Variants in PTPRM observed in about 807,000 individuals in gnomAD.
The protein encoded by PTPRM is protein tyrosine phosphatase receptor type M, also known as receptor-type tyrosine-protein phosphatase mu.
PTPRM carries 47 observed loss-of-function variants against 186.7 expected under a neutral mutation model. The observed-to-expected ratio is 0.25, with a 90% confidence interval of 0.20 to 0.32. The LOEUF (loss-of-function observed/expected upper bound fraction) is 0.32. Among genes scored for constraint, PTPRM ranks in the 10% least tolerant of loss-of-function variants. PTPRM has a pLI of 1.00. For missense variants in PTPRM, 1,494 were observed against 1,865.0 expected, an observed-to-expected ratio of 0.80 and a Z score of 3.66; for synonymous variants, 668 against 674.9, an observed-to-expected ratio of 0.99 and a Z score of 0.16.
At chr18:7,778,451 ATTTC>A (rs1266237825) in intron 2 of PTPRM, among the ~76,000 whole-genome samples, 1 of 151,808 alleles carries the variant, frequency 6.6e-6, no homozygotes, top group African/African-American at 2.4e-5. Context: ...CAATGGGGAA[ATTTC>A]TTTCTTTTTT....
intron 4 of PTPRM, among the ~76,000 whole-genome samples, chr18:7,909,239 A>G (rs2050144505): frequency 1.3e-5 from 2 of 152,218 alleles, no homozygotes; most frequent in South Asian, 2.1e-4. Flanking sequence ...ACATGTCTCA[A>G]GCAATTTTGT....
intron 4 of PTPRM, among the ~76,000 whole-genome samples, chr18:7,916,563 G>C (rs1021362418): frequency 6.6e-6 from 1 of 152,040 alleles, no homozygotes; most frequent in Non-Finnish European, 1.5e-5. Flanking sequence ...CATCTTTTTT[G>C]TTGTGTCCTC....
At chr18:8,066,200 T>C (rs1473524930) in intron 7 of PTPRM, among the ~76,000 whole-genome samples, 5 of 152,196 alleles carry the variant, frequency 3.3e-5, no homozygotes, top group South Asian at 2.1e-4. Flanking sequence ...ATGAGAATTG[T>C]AAAAGAATTG....
At chr18:7,656,791 T>C (rs983255917) in intron 1 of PTPRM, among the ~76,000 whole-genome samples, 17 of 152,272 alleles carry the variant, frequency 1.1e-4, no homozygotes, top group African/African-American at 4.1e-4. Context: ...TGGGGATTCA[T>C]TTATGCTAAT....
intron 7 of PTPRM, among the ~76,000 whole-genome samples, chr18:7,965,507 TG>T (rs2147227327): frequency 6.6e-6 from 1 of 152,152 alleles, no homozygotes; most frequent in South Asian, 2.1e-4. Flanking sequence ...ATTGGATGGC[TG>T]GGGTCTTGGT....
At chr18:7,656,063 A>G (rs539719490) in intron 1 of PTPRM, among the ~76,000 whole-genome samples, 29 of 152,356 alleles carry the variant, frequency 1.9e-4, no homozygotes, top group African/African-American at 6.7e-4. Flanking sequence ...TGGATGCAAC[A>G]TTCCACTTCA....
intron 1 of PTPRM, among the ~76,000 whole-genome samples, chr18:7,678,105 T>TA: frequency 6.6e-6 from 1 of 152,094 alleles, no homozygotes; most frequent in South Asian, 2.1e-4. Flanking sequence ...ACTTGACACT[T>TA]AGAGCACCTA....
At chr18:8,163,372 G>A (rs565851250) in intron 14 of PTPRM, among the ~76,000 whole-genome samples, 2 of 151,990 alleles carry the variant, frequency 1.3e-5, no homozygotes, top group East Asian at 1.9e-4. Flanking sequence ...CTAGCTTGTC[G>A]AATGTTCTTC....
intron 2 of PTPRM, among the ~76,000 whole-genome samples, chr18:7,839,534 A>G (rs768468920): frequency 3.3e-5 from 5 of 152,150 alleles, no homozygotes; most frequent in Non-Finnish European, 5.9e-5. Flanking sequence ...GCATTGCCCT[A>G]TCCTGCTGTG....
intron 7 of PTPRM, among the ~76,000 whole-genome samples, chr18:7,989,797 C>T (rs2083165266): frequency 1.3e-5 from 2 of 152,092 alleles, no homozygotes; most frequent in African/African-American, 4.8e-5. Flanking sequence ...CTCTCATACT[C>T]CTCACTTCAC....
At chr18:7,642,303 G>C (rs2038461423) in intron 1 of PTPRM, among the ~76,000 whole-genome samples, 2 of 152,148 alleles carry the variant, frequency 1.3e-5, no homozygotes. Flanking sequence ...ACTCCTTCCA[G>C]AGAACTATTT....
rs76086431 is a variant in PTPRM at position 7,900,410 on chromosome 18, G to C, written c.469-6095G>C. 1.7e-4 allele frequency among the ~76,000 whole-genome samples: 26 copies of C among 152,290 alleles called. No homozygotes were observed. In the South Asian group the frequency reaches 5.2e-3, roughly 30 times the overall value. ...AACAGGTGGTGGGACAGATTTGGCC[G>C]TGGGCTGTAGTTTGCCAACTCTTGT... On this transcript the variant is annotated intron_variant, in intron 3 of 32. Transcript: ENST00000580170.
intron 1 of PTPRM, among the ~76,000 whole-genome samples, chr18:7,649,210 C>T (rs980852082): frequency 2.0e-5 from 3 of 152,154 alleles, no homozygotes; most frequent in African/African-American, 7.2e-5. Flanking sequence ...ATCTACTACT[C>T]AGACAAAAAG....
chr18:7,867,716 C>T (rs1215777123), intron 2 of PTPRM, among the ~76,000 whole-genome samples: 1 of 152,122 alleles, frequency 6.6e-6, no homozygotes, highest in Non-Finnish European at 1.5e-5. Context: ...GTGGTGTTCT[C>T]TGTATTTCCT....
At chr18:8,376,236 A>C in intron 25 of PTPRM, 36 bp downstream of exon 25, 1 of 1,600,546 alleles carries the variant, frequency 6.2e-7, no homozygotes, top group Non-Finnish European at 8.5e-7. Context: ...AAGGAAACGC[A>C]GTGGGTGATG....
Position 8,114,231 on chromosome 18 carries a change from A to G in PTPRM, c.2130+472A>G, listed in dbSNP as rs2091872245. ...TTTGGTATCTTTTTTTTTTCCTAAG[A>G]GAAAATAGAAAAATGAGACGGAAAC... On this transcript the variant is annotated intron_variant, in intron 12 of 32. Transcript: ENST00000580170. Among the ~76,000 whole-genome samples the G allele has an allele frequency of 2.0e-5, 3 of 151,734 alleles. No individual in the cohort carries two copies. The South Asian group carries it at 6.2e-4, about 32-fold the overall frequency.
intron 2 of PTPRM, among the ~76,000 whole-genome samples, chr18:7,850,106 T>C (rs2046792366): frequency 1.3e-5 from 2 of 152,184 alleles, no homozygotes; most frequent in African/African-American, 2.4e-5. Flanking sequence ...TTAGGTGATC[T>C]TCAGATGTGG....
intron 19 of PTPRM, among the ~76,000 whole-genome samples, chr18:8,263,851 T>G (rs2094665208): frequency 6.6e-6 from 1 of 152,218 alleles, no homozygotes; most frequent in African/African-American, 2.4e-5. Flanking sequence ...CCTACGCACC[T>G]GTTCGTGTGG....
chr18:8,240,828 A>AGAGAGAGAGAGAGAGAGAG (rs879710754), intron 14 of PTPRM, among the ~76,000 whole-genome samples: 4 of 31,322 alleles, frequency 1.3e-4, no homozygotes, highest in Admixed American at 6.6e-4. Context: ...GAGAGAGAGA[A>AGAGAGAGAGAGAGAGAGAG]AGAAAGAAAG....
Sources: gnomAD v4.1 joint callset for allele counts (sites outside exome capture counted in the v4.1 genomes callset) on GRCh38, gnomAD v4.1.1 for gene constraint, MANE v1.5 for transcripts, NCBI Gene and HGNC (gene_info 2026-07-23, HGNC 2026-07-21) for gene names.